BBS9: variants seen among roughly 807,000 people sequenced by gnomAD.
BBS9 encodes Bardet-Biedl syndrome 9, also known as protein PTHB1.
BBS9 carries 89 observed loss-of-function variants against 117.7 expected under a neutral mutation model. That is an observed-to-expected ratio of 0.76 (90% CI 0.64 to 0.90). The LOEUF (loss-of-function observed/expected upper bound fraction) is 0.90, where lower values mean the gene tolerates loss of function less well. Ranked by LOEUF, BBS9 falls within the 40% of genes least tolerant of loss-of-function variation. BBS9 has a pLI of 0.00. For synonymous variants in BBS9, 379 were observed against 370.9 expected (o/e 1.02, Z -0.25); for missense variants, 982 against 1,042.2 (o/e 0.94, Z 0.80).
intron 5 of BBS9, among the ~76,000 whole-genome samples, chr7:33,254,038 A>C (rs1796637497): frequency 6.6e-6 from 1 of 152,172 alleles, no homozygotes; most frequent in South Asian, 2.1e-4. Flanking sequence ...TATTAAATCC[A>C]CTTAACAATG....
intron 19 of BBS9, among the ~76,000 whole-genome samples, chr7:33,482,363 G>T (rs576370273): frequency 6.6e-6 from 1 of 152,120 alleles, no homozygotes; most frequent in African/African-American, 2.4e-5. Flanking sequence ...TTGGTTCTCT[G>T]GTTGCAACTC....
chr7:33,476,926 C>T (rs1232298013), intron 19 of BBS9, among the ~76,000 whole-genome samples: 1 of 152,066 alleles, frequency 6.6e-6, no homozygotes, highest in East Asian at 1.9e-4. Context: ...TTGTTAGTGT[C>T]TGATTCCTAT....
At chr7:33,406,612 T>G (rs1830046587) in intron 19 of BBS9, among the ~76,000 whole-genome samples, 1 of 152,296 alleles carries the variant, frequency 6.6e-6, no homozygotes, top group East Asian at 1.9e-4. Flanking sequence ...CTTCAGGAGC[T>G]CTTTTAGGGC....
intron 4 of BBS9, among the ~76,000 whole-genome samples, chr7:33,161,097 C>T (rs1794766576): frequency 6.6e-6 from 1 of 151,490 alleles, no homozygotes; most frequent in Non-Finnish European, 1.5e-5. Flanking sequence ...CTTTTAGCAA[C>T]ATGGAACAGT....
chr7:33,164,196 C>T (rs1275968770), intron 4 of BBS9, among the ~76,000 whole-genome samples: 1 of 152,112 alleles, frequency 6.6e-6, no homozygotes, highest in African/African-American at 2.4e-5. Context: ...GTCTGAGAGA[C>T]AGTTTGTTAT....
At chr7:33,527,714 C>A (rs892527092) in intron 20 of BBS9, among the ~76,000 whole-genome samples, 1 of 152,228 alleles carries the variant, frequency 6.6e-6, no homozygotes, top group Non-Finnish European at 1.5e-5. Context: ...TCTTCTGCGT[C>A]GCTCACGCTG....
At chr7:33,199,271 G>A (rs1310848626) in intron 5 of BBS9, among the ~76,000 whole-genome samples, 2 of 151,978 alleles carry the variant, frequency 1.3e-5, no homozygotes, top group African/African-American at 2.4e-5. Context: ...AATTATACTG[G>A]AATAAATGTA....
intron 21 of BBS9, among the ~76,000 whole-genome samples, chr7:33,578,219 A>G (rs184133863): frequency 1.4e-3 from 206 of 152,326 alleles, no homozygotes; most frequent in Non-Finnish European, 2.0e-3. Context: ...GGAAGCTATT[A>G]CCACCAGTGT....
At chr7:33,635,423 G>T (rs60588572) in exon 22 of BBS9, among the ~76,000 whole-genome samples, 5,140 of 152,284 alleles carry the variant, frequency 0.034, 291 homozygotes, top group African/African-American at 0.11. Flanking sequence ...TGAGCCAAGG[G>T]GGTGCCAGGG....
At chr7:33,142,315 A>G (rs1360578479) in intron 1 of BBS9, among the ~76,000 whole-genome samples, 2 of 152,248 alleles carry the variant, frequency 1.3e-5, no homozygotes, top group African/African-American at 2.4e-5. Context: ...TTAAAACATC[A>G]TAAAAGGGGA....
chr7:33,130,981 G>T lies in BBS9; in HGVS notation c.-12+940G>T, dbSNP rs115180620. Among the ~76,000 whole-genome samples, 426 of 152,232 alleles carry T rather than the reference G, an allele frequency of 2.8e-3. 1 individual carries two copies. Among genetic ancestry groups the T allele is most frequent in the African/African-American group, 0.01 (416 of 41,536 alleles). On this transcript the variant is annotated intron_variant, in intron 1 of 22. Coordinates refer to ENST00000242067, the MANE Select transcript of BBS9 (RefSeq NM_198428.3). ...TTTAAAACTTTTACACCTTTTGAGG[G>T]ATGTAGTAAGTCTTACGCTTTAGAA...
chr7:33,165,152 T>C (rs1795463558), intron 4 of BBS9, among the ~76,000 whole-genome samples: 1 of 152,236 alleles, frequency 6.6e-6, no homozygotes, highest in African/African-American at 2.4e-5. Context: ...TGTTGAATAT[T>C]GTCCCCCACT....
intron 21 of BBS9, among the ~76,000 whole-genome samples, chr7:33,633,308 TA>T (rs35247034): frequency 0.016 from 2,360 of 148,298 alleles, 71 homozygotes; most frequent in African/African-American, 0.055. Flanking sequence ...AGAAAAGACT[TA>T]AAAAAAAAAA....
intron 9 of BBS9, among the ~76,000 whole-genome samples, chr7:33,279,412 G>A (rs1482779643): frequency 2.0e-5 from 3 of 152,166 alleles, no homozygotes; most frequent in African/African-American, 4.8e-5. Flanking sequence ...GAAATTGACA[G>A]TACTGAAATA....
intron 9 of BBS9, among the ~76,000 whole-genome samples, chr7:33,276,113 ATAATT>A (rs143831857): frequency 0.015 from 2,291 of 152,302 alleles, 61 homozygotes; most frequent in African/African-American, 0.053. Flanking sequence ...TTTCTTACAT[ATAATT>A]TAACACAAAG....
chr7:33,299,587 A>C (rs1805961136), intron 9 of BBS9, among the ~76,000 whole-genome samples: 1 of 148,674 alleles, frequency 6.7e-6, no homozygotes, highest in South Asian at 2.1e-4. Flanking sequence ...AGTAATATTC[A>C]CAATTTAGTA....
intron 19 of BBS9, among the ~76,000 whole-genome samples, chr7:33,393,190 C>A (rs1383693414): frequency 2.0e-5 from 3 of 151,656 alleles, no homozygotes; most frequent in Non-Finnish European, 2.9e-5. Flanking sequence ...AACAAACAAA[C>A]AAAAAATAAA....
chr7:33,578,015 A>G (rs1224729225), intron 21 of BBS9, among the ~76,000 whole-genome samples: 3 of 152,230 alleles, frequency 2.0e-5, no homozygotes, highest in African/African-American at 4.8e-5. Context: ...ACAAATCTGC[A>G]CATTGTGCAC....
intron 19 of BBS9, among the ~76,000 whole-genome samples, chr7:33,406,513 C>T (rs1454353921): frequency 6.6e-6 from 1 of 151,728 alleles, no homozygotes; most frequent in African/African-American, 2.4e-5. Flanking sequence ...TTAGTTGATG[C>T]AGTTTCTTCC....
Sources: gnomAD v4.1 joint callset for allele counts (sites outside exome capture counted in the v4.1 genomes callset) on GRCh38, gnomAD v4.1.1 for gene constraint, MANE v1.5 for transcripts, NCBI Gene and HGNC (gene_info 2026-07-23, HGNC 2026-07-21) for gene names.